BRINP3: variants seen among roughly 807,000 people sequenced by gnomAD.
BRINP3 encodes BMP/retinoic acid-inducible neural-specific protein 3.
BRINP3 carries 19 observed loss-of-function variants against 71.0 expected under a neutral mutation model. The observed-to-expected ratio is 0.27, with a 90% CI of 0.19 to 0.39. BRINP3 has a LOEUF of 0.39. Ranked by LOEUF, BRINP3 falls within the 10% of genes least tolerant of loss-of-function variation. The pLI, the probability that BRINP3 is intolerant of heterozygous loss-of-function variation, is 1.00. For synonymous variants in BRINP3, 380 were observed against 337.7 expected, an observed-to-expected ratio of 1.13 and a Z score of -1.37; for missense variants, 959 against 940.8, an observed-to-expected ratio of 1.02 and a Z score of -0.25.
At chr1:190,408,152 G>A (rs1381049282) in intron 2 of BRINP3, among the ~76,000 whole-genome samples, 5 of 150,402 alleles carry the variant, frequency 3.3e-5, no homozygotes, top group Non-Finnish European at 7.4e-5. Context: ...CTCCGGAGTA[G>A]CTGGGACTAC....
Position 190,410,338 on chromosome 1 carries a change from G to A in BRINP3, c.236+44317C>T, listed in dbSNP as rs373543650. Among the ~76,000 whole-genome samples the A allele has an allele frequency of 2.6e-5, 4 of 152,172 alleles. No individual in the cohort carries two copies. In the East Asian group the frequency reaches 7.7e-4, roughly 29 times the overall value. On this transcript the variant is annotated intron_variant, in intron 2 of 7. Coordinates refer to ENST00000367462, the MANE Select transcript of BRINP3 (RefSeq NM_199051.3). ...TTATTGCCTGTCATTAAGATATGGA[G>A]ACTGGGGGGAAAGGTGTTTTTGTTT...
chr1:190,374,159 A>G (rs1448053991), intron 2 of BRINP3, among the ~76,000 whole-genome samples: 3 of 152,080 alleles, frequency 2.0e-5, no homozygotes, highest in Non-Finnish European at 1.5e-5. Context: ...ACACATACAT[A>G]TGCACAAATT....
At chr1:190,431,341 T>C (rs1674085858) in intron 2 of BRINP3, among the ~76,000 whole-genome samples, 2 of 152,114 alleles carry the variant, frequency 1.3e-5, no homozygotes, top group Admixed American at 6.6e-5. Flanking sequence ...TTTATTTTAA[T>C]TGTTTTTTAA....
intron 7 of BRINP3, among the ~76,000 whole-genome samples, chr1:190,117,215 A>C (rs768582327): frequency 6.6e-6 from 1 of 152,040 alleles, no homozygotes; most frequent in Non-Finnish European, 1.5e-5. Flanking sequence ...ATCTTTCAAC[A>C]TTAAGTTAAC....
chr1:190,106,582 A>G (rs1652186761), intron 7 of BRINP3, among the ~76,000 whole-genome samples: 1 of 151,574 alleles, frequency 6.6e-6, no homozygotes, highest in African/African-American at 2.4e-5. Context: ...TTAATTAACA[A>G]CATAGAGAGG....
At chr1:190,459,030 A>G (rs1676201171) in intron 1 of BRINP3, among the ~76,000 whole-genome samples, 1 of 151,818 alleles carries the variant, frequency 6.6e-6, no homozygotes, top group African/African-American at 2.4e-5. Context: ...ATGGTGTTTA[A>G]TTAAGTATTT....
intron 2 of BRINP3, among the ~76,000 whole-genome samples, chr1:190,339,355 A>T (rs1427622256): frequency 6.6e-6 from 1 of 151,968 alleles, no homozygotes. Context: ...TGTGGCTGGT[A>T]GAAACCCTGA....
chr1:190,162,194 C>T (rs1043559100), intron 6 of BRINP3, among the ~76,000 whole-genome samples: 1 of 141,678 alleles, frequency 7.1e-6, no homozygotes, highest in Admixed American at 7.1e-5. Flanking sequence ...ATAATAGATG[C>T]ATTTTTTTTT....
intron 2 of BRINP3, among the ~76,000 whole-genome samples, chr1:190,424,804 C>A (rs1274868875): frequency 6.6e-6 from 1 of 151,598 alleles, no homozygotes. Flanking sequence ...TGAAATATTA[C>A]CTTTAGAAAG....
In BRINP3 at chr1:190,226,227, G is replaced by C; in HGVS notation, c.816C>G (p.Ile272Met). The change falls in exon 6 of 8, where the codon ATC becomes ATG. Residue 272 changes from isoleucine (I) to methionine (M), a missense_variant. Physicochemically the swap from Ile to Met is conservative, Grantham distance 10 (BLOSUM62 1). Coordinates refer to ENST00000367462, the MANE Select transcript of BRINP3 (RefSeq NM_199051.3). ...YIACNSEGEFICKENDCWCHC... is the reference protein window; with the variant it reads ...YIACNSEGEFMCKENDCWCHC... ...GACACCAGCAGTCATTTTCCTTGCA[G>C]ATAAACTCTCCCTCTGAATTGCAAG... 1 of 1,612,534 alleles carries C rather than the reference G, an allele frequency of 6.2e-7. No homozygotes were observed.
At chr1:190,367,821 C>T (rs960251128) in intron 2 of BRINP3, among the ~76,000 whole-genome samples, 1 of 152,152 alleles carries the variant, frequency 6.6e-6, no homozygotes, top group African/African-American at 2.4e-5. Context: ...TCACATCAGC[C>T]TGGACTTCAT....
At chr1:190,165,011 A>T (rs1651363826) in intron 6 of BRINP3, among the ~76,000 whole-genome samples, 1 of 152,150 alleles carries the variant, frequency 6.6e-6, no homozygotes, top group Non-Finnish European at 1.5e-5. Flanking sequence ...AGAAATGACA[A>T]TGCAATATGG....
intron 4 of BRINP3, among the ~76,000 whole-genome samples, chr1:190,247,041 T>C (rs1258131963): frequency 6.6e-6 from 1 of 151,978 alleles, no homozygotes; most frequent in African/African-American, 2.4e-5. Context: ...CTATGAAGAA[T>C]AACTTGAAAA....
At chr1:190,118,540 G>T (rs1653342068) in intron 7 of BRINP3, among the ~76,000 whole-genome samples, 1 of 152,030 alleles carries the variant, frequency 6.6e-6, no homozygotes, top group Admixed American at 6.6e-5. Context: ...AACTCACCAT[G>T]AACCTAGGAG....
intron 6 of BRINP3, among the ~76,000 whole-genome samples, chr1:190,216,017 C>CA (rs1177645401): frequency 0.024 from 3,114 of 129,524 alleles, 56 homozygotes; most frequent in African/African-American, 0.058. Flanking sequence ...TTTATTTATC[C>CA]AAAAAAAAAA....
intron 2 of BRINP3, among the ~76,000 whole-genome samples, chr1:190,401,263 C>G (rs924864059): frequency 3.3e-5 from 5 of 149,692 alleles, no homozygotes; most frequent in Admixed American, 6.8e-5. Context: ...GAGGATGAGG[C>G]AGGAGAATCA....
At chr1:190,461,263 C>T (rs1244509373) in intron 1 of BRINP3, among the ~76,000 whole-genome samples, 1 of 152,158 alleles carries the variant, frequency 6.6e-6, no homozygotes, top group Non-Finnish European at 1.5e-5. Context: ...TAGACCTCAT[C>T]TTCACCCCAT....
At chr1:190,367,662 A>T (rs1571875500) in intron 2 of BRINP3, among the ~76,000 whole-genome samples, 2 of 152,168 alleles carry the variant, frequency 1.3e-5, no homozygotes, top group African/African-American at 4.8e-5. Context: ...TTTGCCACTT[A>T]GAAATTTCTT....
intron 2 of BRINP3, among the ~76,000 whole-genome samples, chr1:190,399,977 C>T (rs1571952797): frequency 6.6e-6 from 1 of 152,112 alleles, no homozygotes; most frequent in African/African-American, 2.4e-5. Flanking sequence ...AACCATCACA[C>T]TCTCTATTTT....
Sources: allele counts gnomAD v4.1 joint callset (sites outside exome capture counted in the v4.1 genomes callset), GRCh38; gene constraint gnomAD v4.1.1; transcripts MANE v1.5; gene names NCBI Gene and HGNC (gene_info 2026-07-23, HGNC 2026-07-21).